Variants in MYLK observed in about 807,000 individuals in gnomAD.
The protein encoded by MYLK is myosin light chain kinase, also known as myosin light chain kinase, smooth muscle.
MYLK carries 106 observed loss-of-function variants against 203.4 expected under a neutral mutation model. The observed-to-expected ratio is 0.52, with a 90% confidence interval of 0.45 to 0.61. The LOEUF is 0.61. Ranked by LOEUF, MYLK falls within the 20% of genes least tolerant of loss-of-function variation. The pLI, the probability that MYLK is intolerant of heterozygous loss-of-function variation, is 0.00. For missense variants in MYLK, 2,072 were observed against 2,442.3 expected, an observed-to-expected ratio of 0.85 and a Z score of 3.20; for synonymous variants, 867 against 959.5, an observed-to-expected ratio of 0.90 and a Z score of 1.78.
intron 20 of MYLK, among the ~76,000 whole-genome samples, chr3:123,672,126 G>A (rs566346151): frequency 2.0e-5 from 3 of 151,960 alleles, no homozygotes; most frequent in East Asian, 3.9e-4. Context: ...AAATTAAAAC[G>A]AGGCCATTAG....
At position 123,738,880 on chromosome 3, in the gene MYLK, G is replaced by A. The variant is rs747276339; in HGVS notation, c.588+17C>T. The A allele has an allele frequency of 1.2e-5, 19 of 1,603,130 alleles. No individual in the cohort carries two copies. The East Asian group carries it at 1.8e-4, about 15-fold the overall frequency. ...TAATACAGGCTGGATCAGGGTCAGGGCAGACAGAAACCTCACCTTGAGCCA... is the reference window on the plus strand; with the variant it reads ...TAATACAGGCTGGATCAGGGTCAGGACAGACAGAAACCTCACCTTGAGCCA... On this transcript the variant is annotated intron_variant, in intron 7 of 33. Coordinates refer to ENST00000360304, the MANE Select transcript of MYLK (RefSeq NM_053025.4).
rs567112213 is a variant in MYLK, at chr3:123,774,046, G to A, written c.165+19631C>T. Among the ~76,000 whole-genome samples the A allele has an allele frequency of 2.4e-4, 37 of 152,326 alleles. 2 individuals carry two copies. The South Asian group carries it at 7.5e-3, about 31-fold the overall frequency. ...TGGGGCTGAGCTCAGTCCACTGAGT[G>A]AGACAGCTCTGGGGCATGGAAAAGC... is the stretch of plus-strand genomic sequence containing the variant. On this transcript the variant is annotated intron_variant, in intron 4 of 33. Transcript: ENST00000360304.
chr3:123,672,429 C>T (rs112109353), intron 20 of MYLK, among the ~76,000 whole-genome samples: 281 of 152,122 alleles, frequency 1.8e-3, no homozygotes, highest in Middle Eastern at 6.8e-3. Context: ...CCCAGTCTGC[C>T]GTACTTTGTT....
chr3:123,807,899 G>A (rs1380883448), intron 3 of MYLK, among the ~76,000 whole-genome samples: 1 of 152,216 alleles, frequency 6.6e-6, no homozygotes, highest in East Asian at 1.9e-4. Context: ...AGGAGGCCTT[G>A]GCAGTGTGAC....
At chr3:123,737,223 G>A (rs370812821) in intron 8 of MYLK, 155 bp downstream of exon 8, 41 of 617,950 alleles carry the variant, frequency 6.6e-5, no homozygotes, top group African/African-American at 8.0e-5. Context: ...TGTCTGAAGA[G>A]AAAAAAAAAA....
intron 4 of MYLK, among the ~76,000 whole-genome samples, chr3:123,757,184 G>T (rs907714007): frequency 6.6e-6 from 1 of 152,150 alleles, no homozygotes. Context: ...TAAACATTTT[G>T]GTTTTTCTCT....
chr3:123,696,178 A>G (rs371504991), intron 18 of MYLK, among the ~76,000 whole-genome samples: 17 of 152,308 alleles, frequency 1.1e-4, no homozygotes, highest in African/African-American at 4.1e-4. Context: ...TATGAGCCCT[A>G]TCTAAGCTAC....
Position 123,613,310 on chromosome 3 carries a change from G to T in MYLK, c.*795C>A, listed in dbSNP as rs2057297035. The T allele has an allele frequency of 6.6e-6, 1 of 150,384 alleles. No individual in the cohort carries two copies. The highest frequency in any genetic ancestry group is 1.9e-4 in the East Asian group (1 of 5,136). The allele number at this position is 150,384 out of a possible 1,614,324, so 9.3% of individuals were successfully genotyped here. A position where few individuals can be genotyped will look rare whatever the true frequency, so the allele number is the denominator to read the frequency against. ...CTATAACAGCACAAATAAGAATCCT[G>T]GTTTACAAAGGAAACCACATTAGCA... is the stretch of plus-strand genomic sequence containing the variant. On this transcript the variant is annotated 3_prime_UTR_variant, in exon 34 of 34. Coordinates refer to ENST00000360304, the MANE Select transcript of MYLK (RefSeq NM_053025.4).
intron 3 of MYLK, among the ~76,000 whole-genome samples, chr3:123,817,574 T>A (rs2065790688): frequency 6.6e-6 from 1 of 152,186 alleles, no homozygotes; most frequent in Non-Finnish European, 1.5e-5. Flanking sequence ...ACTTGCTTTT[T>A]AAAGCTTGGG....
At position 123,614,367 on chromosome 3, in the gene MYLK, A is replaced by G. The variant is rs909707005; in HGVS notation, c.5501-18T>C. 6.2e-7 allele frequency: 1 copy of G among 1,614,134 alleles called. No individual in the cohort carries two copies. Among genetic ancestry groups the G allele is most frequent in the Admixed American group, 1.7e-5 (1 of 60,018 alleles). ...TGGGTATCCTGCATCACAGGGAGAGAACACAAGTTGCAGGAACTGTTATTC... is the reference window on the plus strand; with the variant it reads ...TGGGTATCCTGCATCACAGGGAGAGGACACAAGTTGCAGGAACTGTTATTC... On this transcript the variant is annotated intron_variant, in intron 33 of 33. Coordinates refer to ENST00000360304, the MANE Select transcript of MYLK (RefSeq NM_053025.4).
intron 20 of MYLK, among the ~76,000 whole-genome samples, chr3:123,680,758 T>C (rs820364): frequency 0.74 from 113,195 of 152,182 alleles, 47,861 homozygotes; most frequent in Non-Finnish European, 0.97. Flanking sequence ...TGGAAAAAGA[T>C]TGTAGTCTGA....
intron 31 of MYLK, among the ~76,000 whole-genome samples, chr3:123,625,594 G>T (rs933431775): frequency 6.6e-6 from 1 of 152,096 alleles, no homozygotes; most frequent in Non-Finnish European, 1.5e-5. Context: ...GGATCACGAG[G>T]TCAGGAGATT....
At chr3:123,620,945 A>C (rs187874810) in intron 31 of MYLK, 20 of 153,446 alleles carry the variant, frequency 1.3e-4, no homozygotes, top group African/African-American at 4.8e-4. Context: ...CAGAGACTTA[A>C]AAGATTTTGA....
chr3:123,660,944 G>A (rs1386203133), intron 23 of MYLK, among the ~76,000 whole-genome samples: 1 of 152,200 alleles, frequency 6.6e-6, no homozygotes, highest in East Asian at 1.9e-4. Flanking sequence ...AATGAATGTG[G>A]CTTTGCTGTA....
At chr3:123,733,236 T>A (rs1045166235) in intron 10 of MYLK, 134 bp from the exon 11 acceptor site, 1 of 988,036 alleles carries the variant, frequency 1.0e-6, no homozygotes, top group Non-Finnish European at 1.6e-6. Flanking sequence ...CCTCTGAGTC[T>A]GCTTCCTCAC....
chr3:123,880,374 T>G (rs1349059953), intron 1 of MYLK, among the ~76,000 whole-genome samples: 1 of 152,170 alleles, frequency 6.6e-6, no homozygotes, highest in African/African-American at 2.4e-5. Flanking sequence ...AAGCCCCAAG[T>G]TGCAGGTGTT....
At chr3:123,785,057 C>T (rs1373670993) in intron 4 of MYLK, among the ~76,000 whole-genome samples, 1 of 152,244 alleles carries the variant, frequency 6.6e-6, no homozygotes, top group Admixed American at 6.5e-5. Context: ...TTCTGCCCTA[C>T]ATCCACTCCT....
chr3:123,614,030 T>G lies in MYLK; in HGVS notation c.*75A>C. The G allele has an allele frequency of 8.4e-6, 10 of 1,191,168 alleles. No individual in the cohort carries two copies. In the African/African-American group the frequency reaches 1.2e-4, roughly 14 times the overall value. The allele number at this position is 1,191,168 out of a possible 1,614,324, so 73.8% of individuals were successfully genotyped here. On this transcript the variant is annotated 3_prime_UTR_variant, in exon 34 of 34. Coordinates refer to ENST00000360304, the MANE Select transcript of MYLK (RefSeq NM_053025.4). ...ACTAGGTGCTTTTACTATCTTGAGTTTTTTTTTTTTTTTTGAGTTTTAGAG... is the reference window on the plus strand; with the variant it reads ...ACTAGGTGCTTTTACTATCTTGAGTGTTTTTTTTTTTTTTGAGTTTTAGAG...
intron 11 of MYLK, among the ~76,000 whole-genome samples, chr3:123,728,977 C>A (rs979365962): frequency 6.6e-6 from 1 of 152,236 alleles, no homozygotes; most frequent in East Asian, 1.9e-4. Context: ...TCGGAGCTAA[C>A]AAGAGCCTGA....
Sources: allele counts gnomAD v4.1 joint callset (sites outside exome capture counted in the v4.1 genomes callset), GRCh38; gene constraint gnomAD v4.1.1; transcripts MANE v1.5; gene names NCBI Gene and HGNC (gene_info 2026-07-23, HGNC 2026-07-21).